Variants in SRGAP2B observed in about 807,000 individuals in gnomAD.
The protein encoded by SRGAP2B is SLIT-ROBO Rho GTPase-activating protein 2B.
SRGAP2B carries 9 observed loss-of-function variants against 22.2 expected under a neutral mutation model. The observed-to-expected ratio is 0.41, with a 90% CI of 0.24 to 0.71. SRGAP2B has a LOEUF of 0.71. SRGAP2B is among the 30% of genes least tolerant of loss of function. The pLI, the probability that SRGAP2B is intolerant of heterozygous loss-of-function variation, is 0.35. For synonymous variants in SRGAP2B, 36 were observed against 87.4 expected, an observed-to-expected ratio of 0.41 and a Z score of 3.28; for missense variants, 114 against 235.8, an observed-to-expected ratio of 0.48 and a Z score of 3.38.
chr1:144,967,132 C>T (rs1321939295), intron 3 of SRGAP2B, among the ~76,000 whole-genome samples: 5 of 97,350 alleles, frequency 5.1e-5, no homozygotes, highest in Admixed American at 1.2e-4. Flanking sequence ...AGCTCTGCAC[C>T]AAGCGGACCT....
At chr1:144,975,856 G>A (rs1668857693) in intron 3 of SRGAP2B, among the ~76,000 whole-genome samples, 1 of 123,754 alleles carries the variant, frequency 8.1e-6, no homozygotes, top group African/African-American at 3.4e-5. Context: ...TCAGAGGCAT[G>A]GGTTAGTAAT....
rs1418174525 is a variant in SRGAP2B, at chr1:145,040,462, G to T, written c.68-45262C>A. ...AATTAGATCATTTAATTCAGGGATA[G>T]TAAACTCTTCCTATAAAGGCCAGAT... On this transcript the variant is annotated intron_variant, in intron 2 of 9. Coordinates refer to ENST00000612199, the Ensembl canonical transcript of SRGAP2B. Among the ~76,000 whole-genome samples, 4 of 150,314 alleles carry T rather than the reference G, an allele frequency of 2.7e-5. 1 individual carries two copies. The highest frequency in any genetic ancestry group is 7.5e-5 in the African/African-American group (3 of 40,166).
At chr1:144,920,125 CTGATTGG>C (rs1664121449) in intron 4 of SRGAP2B, among the ~76,000 whole-genome samples, 1 of 150,958 alleles carries the variant, frequency 6.6e-6, no homozygotes, top group Non-Finnish European at 1.5e-5. Flanking sequence ...TTACAGAGTG[CTGATTGG>C]TGCATTTACA....
intron 4 of SRGAP2B, chr1:144,917,432 TC>T (rs1663936495): frequency 8.8e-6 from 1 of 113,048 alleles, no homozygotes; most frequent in Non-Finnish European, 1.7e-5. Flanking sequence ...TGCCAGCCTA[TC>T]GTTTCTTAAC....
chr1:144,964,731 G>A (rs1170762990), intron 3 of SRGAP2B, among the ~76,000 whole-genome samples: 1 of 150,840 alleles, frequency 6.6e-6, no homozygotes, highest in Non-Finnish European at 1.5e-5. Flanking sequence ...AATGCATTCT[G>A]GGTCTCAAAA....
At chr1:144,987,013 A>C (rs1669772027) in intron 3 of SRGAP2B, among the ~76,000 whole-genome samples, 1 of 150,980 alleles carries the variant, frequency 6.6e-6, no homozygotes, top group Admixed American at 6.6e-5. Context: ...AACTGTATTA[A>C]GCTTAAAGGA....
chr1:144,907,613 G>A (rs1271176426), intron 5 of SRGAP2B, among the ~76,000 whole-genome samples: 5 of 149,724 alleles, frequency 3.3e-5, no homozygotes, highest in Non-Finnish European at 7.4e-5. Context: ...GGCAGTGTCT[G>A]GAAATATTTT....
chr1:145,067,109 C>A (rs1343146592), intron 2 of SRGAP2B, among the ~76,000 whole-genome samples: 1 of 148,538 alleles, frequency 6.7e-6, no homozygotes, highest in South Asian at 2.1e-4. Context: ...CCCAACATGG[C>A]GAACCTCTGT....
At chr1:144,920,366 A>T (rs1454995184) in intron 4 of SRGAP2B, among the ~76,000 whole-genome samples, 3 of 150,534 alleles carry the variant, frequency 2.0e-5, no homozygotes, top group African/African-American at 7.5e-5. Context: ...CTTGGGCTCA[A>T]CTGTCACGTG....
intron 2 of SRGAP2B, among the ~76,000 whole-genome samples, chr1:145,088,537 C>T (rs1169935947): frequency 7.3e-6 from 1 of 137,018 alleles, no homozygotes; most frequent in Non-Finnish European, 1.6e-5. Flanking sequence ...CTGTTTCAGA[C>T]TATTTCTTCT....
intron 2 of SRGAP2B, among the ~76,000 whole-genome samples, chr1:145,064,761 G>A (rs1430850183): frequency 1.3e-5 from 2 of 150,296 alleles, no homozygotes; most frequent in Non-Finnish European, 2.9e-5. Flanking sequence ...ATAACGGATA[G>A]GAAAGGGCCC....
intron 3 of SRGAP2B, among the ~76,000 whole-genome samples, chr1:144,978,832 G>A (rs7547129): frequency 4.1e-5 from 6 of 146,880 alleles, no homozygotes; most frequent in Middle Eastern, 3.2e-3. Flanking sequence ...TAAAGTCTTC[G>A]TCAATTTGGT....
chr1:144,998,474 T>C (rs1200306279), intron 2 of SRGAP2B, among the ~76,000 whole-genome samples: 2 of 143,184 alleles, frequency 1.4e-5, no homozygotes, highest in African/African-American at 5.5e-5. Flanking sequence ...AGAGGCTCTG[T>C]TAATAGATAC....
intron 2 of SRGAP2B, among the ~76,000 whole-genome samples, chr1:145,015,146 G>C (rs1265747381): frequency 2.3e-5 from 3 of 131,202 alleles, no homozygotes; most frequent in Admixed American, 7.7e-5. Context: ...GCATGATCTC[G>C]GCTCACTGCG....
intron 5 of SRGAP2B, 51 bp from the exon 6 acceptor site, chr1:144,906,125 T>G: frequency 4.2e-6 from 3 of 708,654 alleles, no homozygotes; most frequent in Non-Finnish European, 7.8e-6. Flanking sequence ...AAGGGTGTCA[T>G]TTCTCTGCTT....
chr1:145,061,644 G>C (rs1293100034), intron 2 of SRGAP2B, among the ~76,000 whole-genome samples: 1 of 150,040 alleles, frequency 6.7e-6, no homozygotes, highest in Admixed American at 6.6e-5. Flanking sequence ...CTGGAGTGTA[G>C]TGGTGTGATC....
chr1:144,907,126 G>T (rs1408647086), intron 5 of SRGAP2B, among the ~76,000 whole-genome samples: 3 of 146,864 alleles, frequency 2.0e-5, no homozygotes, highest in African/African-American at 8.0e-5. Context: ...GTAGAAGTTG[G>T]GTGTGTGTGT....
intron 4 of SRGAP2B, among the ~76,000 whole-genome samples, chr1:144,945,661 G>C (rs1553608330): frequency 6.7e-6 from 1 of 149,128 alleles, no homozygotes; most frequent in Non-Finnish European, 1.5e-5. Context: ...GCAATAATAA[G>C]AACCTAAGAA....
chr1:144,987,181 G>C (rs1281956027), intron 3 of SRGAP2B, among the ~76,000 whole-genome samples: 73 of 151,860 alleles, frequency 4.8e-4, no homozygotes, highest in Non-Finnish European at 8.4e-4. Flanking sequence ...TCCTACACTT[G>C]TCCTTTCATA....
Sources: allele counts gnomAD v4.1 joint callset (sites outside exome capture counted in the v4.1 genomes callset), GRCh38; gene constraint gnomAD v4.1.1; transcripts MANE v1.5; gene names NCBI Gene and HGNC (gene_info 2026-07-23, HGNC 2026-07-21).